CCDC85C: variants seen among roughly 807,000 people sequenced by gnomAD.
The protein encoded by CCDC85C is coiled-coil domain containing 85C.
CCDC85C carries 18 observed loss-of-function variants against 38.3 expected under a neutral mutation model. The ratio of observed to expected loss-of-function variants is 0.47; its 90% confidence interval spans 0.33 to 0.70. The LOEUF is 0.70. Ranked by LOEUF, CCDC85C falls within the 30% of genes least tolerant of loss-of-function variation. CCDC85C has a pLI of 0.03. For missense variants in CCDC85C, 566 were observed against 621.2 expected (o/e 0.91, Z 0.94); for synonymous variants, 264 against 293.8 (o/e 0.90, Z 1.04).
rs998070351 is a variant in CCDC85C, at chr14:99,554,390, G to A, written c.794-18302C>T. Among the ~76,000 whole-genome samples the A allele has an allele frequency of 2.5e-4, 38 of 152,332 alleles. No homozygotes were observed. In the East Asian group the frequency reaches 2.5e-3, roughly 10 times the overall value. Reference sequence around the variant, plus strand: ...GGCCTCCGCCTGAGTGTGCCCGCCCGGCACAGCAGAAAGCCTGGCACTGGA... The same window carrying A: ...GGCCTCCGCCTGAGTGTGCCCGCCCAGCACAGCAGAAAGCCTGGCACTGGA... On this transcript the variant is annotated intron_variant, in intron 1 of 5. Coordinates refer to ENST00000380243, the MANE Select transcript of CCDC85C (RefSeq NM_001144995.2).
intron 1 of CCDC85C, among the ~76,000 whole-genome samples, chr14:99,586,022 C>T (rs2055021975): frequency 6.6e-6 from 1 of 152,226 alleles, no homozygotes; most frequent in Non-Finnish European, 1.5e-5. Context: ...AATGACCCCA[C>T]ATGACTCTTA....
rs540922682 is a variant in CCDC85C at position 99,567,296 on chromosome 14, AC to A, written c.794-31209del. ...ATAAGGATGTGGCCGCACAGAACAG[AC>A]CCACAGGAACACAGCAGATGGGACT... On this transcript the variant is annotated intron_variant, in intron 1 of 5. Transcript: ENST00000380243. Among the ~76,000 whole-genome samples, 735 of 152,256 alleles carry A rather than the reference AC, an allele frequency of 4.8e-3. 8 individuals are homozygous for A. Among genetic ancestry groups the A allele is most frequent in the South Asian group, 0.031 (148 of 4,816 alleles).
Position 99,603,865 on chromosome 14 carries a change from G to A in CCDC85C, c.95C>T (p.Ala32Val), listed in dbSNP as rs551860394. Residue 32 changes from alanine to valine, a missense_variant, in exon 1 of 6, where the codon GCG (alanine) becomes GTG (valine). Physicochemically the swap from Ala to Val is moderately conservative, Grantham distance 64. Around this residue, in one of 3 missense-constraint regions of CCDC85C, gnomAD observed 269 missense variants for 308.2 expected, o/e 0.87. Transcript: ENST00000380243. This position sits in a 1 kb window ranked among gnomAD's most constrained non-coding sequence, Gnocchi z 7.5. ...GCCCTCGGCGCGCCGCAGCCGCCGC[G>A]CCAGCTCCTCCTTGCTCCAGCGCAG... ...ELLRWSKEEL[A>V]RRLRRAEGEK... is the part of the protein sequence containing the mutation. 1.9e-4 allele frequency: 288 copies of A among 1,515,290 alleles called. No individual in the cohort carries two copies. Among genetic ancestry groups the A allele is most frequent in the Non-Finnish European group, 2.1e-4 (239 of 1,137,994 alleles). 93.9% of individuals were successfully genotyped at this position (1,515,290 alleles called of 1,614,324 possible). A position where few individuals can be genotyped will look rare whatever the true frequency, so the allele number is the denominator to read the frequency against.
rs936462377 is a variant in CCDC85C at position 99,516,542 on chromosome 14, C to T, written c.1072-256G>A. On this transcript the variant is annotated intron_variant, in intron 4 of 5. Transcript: ENST00000380243. This position sits in a 1 kb window ranked among gnomAD's most constrained non-coding sequence, Gnocchi z 5.5. ...AAGTAGACAGGCTGGGCAAGGAAGA[C>T]CCTCAGACAGGTGGACTCACTGCAA... 6.6e-6 allele frequency among the ~76,000 whole-genome samples: 1 copy of T among 152,138 alleles called. No individual in the cohort carries two copies. The highest frequency in any genetic ancestry group is 1.5e-5 in the Non-Finnish European group (1 of 68,018).
intron 1 of CCDC85C, among the ~76,000 whole-genome samples, chr14:99,598,530 G>A (rs149702659): frequency 5.9e-5 from 9 of 152,142 alleles, no homozygotes; most frequent in East Asian, 1.9e-4. Flanking sequence ...ACCCTGCACC[G>A]CCTTCCCCCA....
rs1219585619 is a variant in CCDC85C, at chr14:99,572,406, G to A, written c.793+30761C>T. On this transcript the variant is annotated intron_variant, in intron 1 of 5. Coordinates refer to ENST00000380243, the MANE Select transcript of CCDC85C (RefSeq NM_001144995.2). The surrounding 1 kb of genome is among the most constrained non-coding windows in gnomAD (Gnocchi z 4.4). ...GGCTAGTGTCTCAGCCTGCAATCCC[G>A]GCTCCCACCCCCACCCCAAGGCCCT... Among the ~76,000 whole-genome samples, 6 of 152,124 alleles carry A rather than the reference G, an allele frequency of 3.9e-5. No individual in the cohort carries two copies. Among genetic ancestry groups the A allele is most frequent in the Admixed American group, 1.3e-4 (2 of 15,268 alleles).
chr14:99,546,254 C>G (rs1295014695), intron 1 of CCDC85C, among the ~76,000 whole-genome samples: 1 of 151,902 alleles, frequency 6.6e-6, no homozygotes. Context: ...GCCCTGCCCC[C>G]ACAGCTCTGC....
In CCDC85C at chr14:99,503,280, T is replaced by G; in HGVS notation, c.*11966A>C. ...CGTTGCCGTGTCCTAGCAGTGTCGT[T>G]GTGCATGCTGCTTCTGTGCAGCTGC... is the stretch of plus-strand genomic sequence containing the variant. On this transcript the variant is annotated 3_prime_UTR_variant, in exon 6 of 6. Transcript: ENST00000380243. 1.6e-6 allele frequency: 1 copy of G among 621,524 alleles called. No individual in the cohort carries two copies. Among genetic ancestry groups the G allele is most frequent in the Non-Finnish European group, 2.9e-6 (1 of 345,574 alleles). The allele number at this position is 621,524 out of a possible 1,614,324, so 38.5% of individuals were successfully genotyped here.
intron 1 of CCDC85C, among the ~76,000 whole-genome samples, chr14:99,583,578 G>A (rs144410158): frequency 0.019 from 2,832 of 151,570 alleles, 100 homozygotes; most frequent in African/African-American, 0.065. Context: ...AGGCCGAGGC[G>A]GGCGGATCAC....
rs1459815990 is a variant in CCDC85C at position 99,533,706 on chromosome 14, G to A, written c.867+2309C>T. 1.3e-5 allele frequency among the ~76,000 whole-genome samples: 2 copies of A among 152,198 alleles called. No homozygotes were observed. Among genetic ancestry groups the A allele is most frequent in the Non-Finnish European group, 2.9e-5 (2 of 68,028 alleles). On this transcript the variant is annotated intron_variant, in intron 2 of 5. Transcript: ENST00000380243. The surrounding 1 kb of genome is among the most constrained non-coding windows in gnomAD (Gnocchi z 4.2). ...GGGAGCTGGTGGGAGCAGGCCTGGG[G>A]AGGAAGAGGTCCCTGGGCAGAGCCA...
At position 99,534,961 on chromosome 14, in the gene CCDC85C, G is replaced by A. The variant is rs573866912; in HGVS notation, c.867+1054C>T. 309 of 536,248 alleles carry A rather than the reference G, an allele frequency of 5.8e-4. 1 individual carries two copies. The African/African-American group carries it at 5.8e-3, about 10-fold the overall frequency. The allele number at this position is 536,248 out of a possible 1,614,324, so 33.2% of individuals were successfully genotyped here. ...GAGAGTTCACAAGAGGCCAAATGAG[G>A]AACGTGCACTCTGCTAATCCCACCA... is the stretch of plus-strand genomic sequence containing the variant. On this transcript the variant is annotated intron_variant, in intron 2 of 5. Coordinates refer to ENST00000380243, the MANE Select transcript of CCDC85C (RefSeq NM_001144995.2).
Position 99,535,994 on chromosome 14 carries a change from C to G in CCDC85C, c.867+21G>C, listed in dbSNP as rs759519774. 1.2e-5 allele frequency: 19 copies of G among 1,546,318 alleles called. No individual in the cohort carries two copies. In the African/African-American group the frequency reaches 2.5e-4, roughly 20 times the overall value. ...TGCTGGGTCGCGGTCCTCAAGGCAG[C>G]GCCACCCGAAGCCGGCCTACCTGTG... On this transcript the variant is annotated intron_variant, in intron 2 of 5. Coordinates refer to ENST00000380243, the MANE Select transcript of CCDC85C (RefSeq NM_001144995.2). The surrounding 1 kb of genome is among the most constrained non-coding windows in gnomAD (Gnocchi z 5.5).
At chr14:99,584,043 A>G (rs2055002459) in intron 1 of CCDC85C, among the ~76,000 whole-genome samples, 1 of 151,862 alleles carries the variant, frequency 6.6e-6, no homozygotes, top group Non-Finnish European at 1.5e-5. Context: ...AGCCCTTTGT[A>G]CTACTTTTGC....
rs1259376362 is a variant in CCDC85C at position 99,508,285 on chromosome 14, ACCT to A, written c.*6958_*6960del. 6 of 152,310 alleles carry A rather than the reference ACCT, an allele frequency of 3.9e-5. No homozygotes were observed. The highest frequency in any genetic ancestry group is 1.4e-4 in the African/African-American group (6 of 41,550). 9.4% of individuals were successfully genotyped at this position (152,310 alleles called of 1,614,324 possible). ...GTTGCTCATGAAGCATTTATGGAGCACCTCCTCGCCAAGTGCAGTTCCCCTGGT... is the reference window on the plus strand; with the variant it reads ...GTTGCTCATGAAGCATTTATGGAGCACCTCGCCAAGTGCAGTTCCCCTGGT... On this transcript the variant is annotated 3_prime_UTR_variant, in exon 6 of 6. Transcript: ENST00000380243.
In CCDC85C at chr14:99,521,797, C is replaced by T. The variant is rs549971249; in HGVS notation, c.975+336G>A. On this transcript the variant is annotated intron_variant, in intron 3 of 5. Transcript: ENST00000380243. ...GCTGGTCATTTCAGTGCAGAATCCA[C>T]AAACCTGAACCCCAAGCTCCAGGGC... 2.6e-5 allele frequency among the ~76,000 whole-genome samples: 4 copies of T among 152,366 alleles called. No homozygotes were observed. The South Asian group carries it at 6.2e-4, about 24-fold the overall frequency.
chr14:99,599,518 T>C (rs143667851), intron 1 of CCDC85C, among the ~76,000 whole-genome samples: 5 of 152,312 alleles, frequency 3.3e-5, no homozygotes, highest in Non-Finnish European at 1.5e-5. Context: ...GGGGTTTACC[T>C]GTCTCAGTGT....
At chr14:99,543,414 G>C (rs1002474660) in intron 1 of CCDC85C, among the ~76,000 whole-genome samples, 1 of 152,162 alleles carries the variant, frequency 6.6e-6, no homozygotes, top group East Asian at 1.9e-4. Context: ...TCCTGTGAGG[G>C]ACCCTTGGCC....
In CCDC85C at chr14:99,569,635, G is replaced by A. The variant is rs1375691689; in HGVS notation, c.793+33532C>T. On this transcript the variant is annotated intron_variant, in intron 1 of 5. Coordinates refer to ENST00000380243, the MANE Select transcript of CCDC85C (RefSeq NM_001144995.2). The surrounding 1 kb of genome is among the most constrained non-coding windows in gnomAD (Gnocchi z 4.3). ...CAAGAGCTGAACCCAGGCACATCCA[G>A]CCTCAAACCTGGATCCTACACCACC... 2.0e-5 allele frequency among the ~76,000 whole-genome samples: 3 copies of A among 152,180 alleles called. No individual in the cohort carries two copies. Among genetic ancestry groups the A allele is most frequent in the Admixed American group, 1.3e-4 (2 of 15,278 alleles).
At chr14:99,602,319 T>C (rs2055207543) in intron 1 of CCDC85C, among the ~76,000 whole-genome samples, 1 of 152,162 alleles carries the variant, frequency 6.6e-6, no homozygotes, top group Non-Finnish European at 1.5e-5. Flanking sequence ...AACATGGGCG[T>C]AGAAGACAGA....
Sources: gnomAD v4.1 joint callset for allele counts (sites outside exome capture counted in the v4.1 genomes callset) on GRCh38, gnomAD v4.1.1 for gene constraint, gnomAD v4.1.1 regional missense constraint, Gnocchi (gnomAD v3.1) non-coding constraint, MANE v1.5 for transcripts, NCBI Gene and HGNC (gene_info 2026-07-23, HGNC 2026-07-21) for gene names.